Variants in FGGY observed in about 807,000 individuals in gnomAD.
FGGY encodes FGGY carbohydrate kinase domain-containing protein.
A neutral mutation model predicts 71.3 loss-of-function variants in FGGY; 72 were observed. That is an observed-to-expected ratio of 1.01 (90% confidence interval 0.84 to 1.23). FGGY has a LOEUF of 1.23. Among genes scored for constraint, FGGY ranks in the 50% most tolerant of loss-of-function variants. FGGY has a pLI of 0.00. For synonymous variants in FGGY, 251 were observed against 250.3 expected (o/e 1.00, Z -0.02); for missense variants, 668 against 682.3 (o/e 0.98, Z 0.23).
intron 14 of FGGY, among the ~76,000 whole-genome samples, chr1:59,726,245 T>G (rs923775600): frequency 3.3e-5 from 5 of 152,206 alleles, no homozygotes; most frequent in African/African-American, 1.2e-4. Context: ...GATTTTTGAA[T>G]GTTGAACCAA....
chr1:59,432,906 C>T (rs1250488061), intron 5 of FGGY, among the ~76,000 whole-genome samples: 1 of 152,192 alleles, frequency 6.6e-6, no homozygotes, highest in Non-Finnish European at 1.5e-5. Context: ...TGGGAGCTCT[C>T]TTACTTCAGA....
chr1:59,381,761 A>G (rs996335242), intron 5 of FGGY, among the ~76,000 whole-genome samples: 2 of 152,016 alleles, frequency 1.3e-5, no homozygotes, highest in East Asian at 1.9e-4. Context: ...TTTGCTTTTT[A>G]TGTAAATGTA....
chr1:59,736,576 G>A (rs551409678), intron 14 of FGGY, among the ~76,000 whole-genome samples: 3 of 152,280 alleles, frequency 2.0e-5, no homozygotes, highest in South Asian at 4.1e-4. Flanking sequence ...GAGACTAGCG[G>A]CATTTTGCCC....
At chr1:59,431,865 C>T (rs1254851482) in intron 5 of FGGY, among the ~76,000 whole-genome samples, 1 of 152,192 alleles carries the variant, frequency 6.6e-6, no homozygotes, top group East Asian at 1.9e-4. Context: ...TGGTTCCTAA[C>T]AGAGCTTCTA....
chr1:59,605,776 A>G (rs893231580), intron 8 of FGGY, among the ~76,000 whole-genome samples: 3 of 152,164 alleles, frequency 2.0e-5, no homozygotes, highest in African/African-American at 7.2e-5. Flanking sequence ...GGTCAAGACA[A>G]ATAAGGTCTG....
At chr1:59,298,965 C>G (rs867409869) in intron 1 of FGGY, among the ~76,000 whole-genome samples, 1 of 152,242 alleles carries the variant, frequency 6.6e-6, no homozygotes, top group Non-Finnish European at 1.5e-5. Context: ...ATGAGTAAGA[C>G]TTGGTCTCTG....
chr1:59,672,801 A>G (rs2097394089), intron 13 of FGGY, among the ~76,000 whole-genome samples: 1 of 152,188 alleles, frequency 6.6e-6, no homozygotes, highest in African/African-American at 2.4e-5. Context: ...TTTACACCAC[A>G]AGTTTACCTC....
At chr1:59,698,782 C>T (rs910745993) in intron 14 of FGGY, 29 of 985,260 alleles carry the variant, frequency 2.9e-5, no homozygotes, top group Non-Finnish European at 3.4e-5. Flanking sequence ...CCTTTAAAAG[C>T]GCAGCGCATA....
intron 5 of FGGY, among the ~76,000 whole-genome samples, chr1:59,402,549 T>C (rs771101874): frequency 6.6e-6 from 1 of 152,226 alleles, no homozygotes; most frequent in Admixed American, 6.5e-5. Flanking sequence ...TAATTATATG[T>C]TTTTGCGGAC....
At chr1:59,699,497 C>A in intron 14 of FGGY, 3 of 741,538 alleles carry the variant, frequency 4.0e-6, no homozygotes, top group Non-Finnish European at 4.9e-6. Context: ...TGCTCTTTTG[C>A]CATGGATAGA....
chr1:59,686,455 T>C (rs2097545113), intron 14 of FGGY, among the ~76,000 whole-genome samples: 1 of 152,198 alleles, frequency 6.6e-6, no homozygotes, highest in South Asian at 2.1e-4. Context: ...AATACCCTGT[T>C]GCCTTTAAGA....
intron 6 of FGGY, among the ~76,000 whole-genome samples, chr1:59,481,473 C>T (rs908339501): frequency 1.3e-5 from 2 of 152,080 alleles, no homozygotes; most frequent in African/African-American, 4.8e-5. Flanking sequence ...TGTCCCTATT[C>T]TTCAGCAAAT....
chr1:59,587,547 C>G (rs1009416613), intron 8 of FGGY, among the ~76,000 whole-genome samples: 2 of 152,180 alleles, frequency 1.3e-5, no homozygotes, highest in Non-Finnish European at 2.9e-5. Context: ...AGGCACCCCC[C>G]AGTAGGGGCA....
chr1:59,571,621 A>G (rs985168636), intron 8 of FGGY, among the ~76,000 whole-genome samples: 3 of 152,222 alleles, frequency 2.0e-5, no homozygotes, highest in African/African-American at 4.8e-5. Flanking sequence ...CTTGTGTACC[A>G]GTAAGTGCCC....
intron 9 of FGGY, among the ~76,000 whole-genome samples, chr1:59,613,254 A>C (rs576394897): frequency 2.0e-5 from 3 of 152,116 alleles, no homozygotes; most frequent in African/African-American, 4.8e-5. Flanking sequence ...GGAAGTAAAG[A>C]CGTCCTCAGC....
chr1:59,547,446 G>A (rs1031790072), intron 7 of FGGY, among the ~76,000 whole-genome samples: 16 of 152,114 alleles, frequency 1.1e-4, no homozygotes, highest in Admixed American at 1.0e-3. Flanking sequence ...AGATAATGTA[G>A]GATAAGGTAG....
At chr1:59,409,636 C>A (rs1238675043) in intron 5 of FGGY, among the ~76,000 whole-genome samples, 1 of 145,152 alleles carries the variant, frequency 6.9e-6, no homozygotes, top group Non-Finnish European at 1.5e-5. Flanking sequence ...ACAGACAAGG[C>A]AACTAAAGCT....
chr1:59,614,349 C>G (rs1387302507), intron 9 of FGGY, among the ~76,000 whole-genome samples: 1 of 152,172 alleles, frequency 6.6e-6, no homozygotes, highest in Non-Finnish European at 1.5e-5. Context: ...TCAACATATG[C>G]AAATCAATAA....
intron 8 of FGGY, among the ~76,000 whole-genome samples, chr1:59,570,625 C>T (rs1180927744): frequency 6.6e-6 from 1 of 152,104 alleles, no homozygotes; most frequent in Non-Finnish European, 1.5e-5. Flanking sequence ...GTTTGTAGTT[C>T]TGTGCAGACA....
Sources: gnomAD v4.1 joint callset for allele counts (sites outside exome capture counted in the v4.1 genomes callset) on GRCh38, gnomAD v4.1.1 for gene constraint, MANE v1.5 for transcripts, NCBI Gene and HGNC (gene_info 2026-07-23, HGNC 2026-07-21) for gene names.